The following GARS1 variants were observed in gnomAD, a reference collection of about 807,000 sequenced individuals.
GARS1 encodes glycyl-tRNA synthetase 1.
GARS1 carries 46 observed loss-of-function variants against 86.4 expected under a neutral mutation model. The ratio of observed to expected loss-of-function variants is 0.53; its 90% CI spans 0.42 to 0.68. The LOEUF is 0.68. Among genes scored for constraint, GARS1 ranks in the 30% least tolerant of loss-of-function variants. The pLI is 0.00. For synonymous variants in GARS1, 342 were observed against 329.8 expected (o/e 1.04, Z -0.40); for missense variants, 797 against 915.6 (o/e 0.87, Z 1.67).
At chr7:30,605,264 A>G (rs1791457852) in intron 6 of GARS1, among the ~76,000 whole-genome samples, 1 of 151,976 alleles carries the variant, frequency 6.6e-6, no homozygotes, top group African/African-American at 2.4e-5. Flanking sequence ...GAAGACCTCT[A>G]CTCCTATTAT....
chr7:30,611,733 T>C (rs531752691), intron 7 of GARS1, among the ~76,000 whole-genome samples: 69 of 152,270 alleles, frequency 4.5e-4, no homozygotes, highest in African/African-American at 1.5e-3. Flanking sequence ...ATCCGCCCAC[T>C]TCAGCCTCCC....
intron 4 of GARS1, 140 bp downstream of exon 4, chr7:30,601,340 C>T (rs1219982763): frequency 2.3e-5 from 17 of 747,388 alleles, no homozygotes; most frequent in Non-Finnish European, 3.6e-5. Flanking sequence ...TATGGAAAAG[C>T]AAAGAAATGT....
chr7:30,608,230 T>C (rs1031326152), intron 6 of GARS1, among the ~76,000 whole-genome samples: 3 of 152,250 alleles, frequency 2.0e-5, no homozygotes, highest in Admixed American at 6.5e-5. Flanking sequence ...AATACAAATA[T>C]AGTAATGTTA....
At chr7:30,609,347 T>G (rs911217682) in intron 6 of GARS1, among the ~76,000 whole-genome samples, 9 of 152,206 alleles carry the variant, frequency 5.9e-5, no homozygotes, top group African/African-American at 2.2e-4. Context: ...TCTTTCACTT[T>G]GAAACAGTGA....
intron 4 of GARS1, 149 bp downstream of exon 4, chr7:30,601,349 G>A: frequency 1.4e-6 from 1 of 697,522 alleles, no homozygotes; most frequent in Non-Finnish European, 2.3e-6. Flanking sequence ...GCAAAGAAAT[G>A]TATACCTTCT....
Position 30,622,422 on chromosome 7 carries a change from T to A in GARS1, c.1573T>A (p.Cys525Ser). The A allele has an allele frequency of 6.2e-7, 1 of 1,614,074 alleles. No individual in the cohort carries two copies. The highest frequency in any genetic ancestry group is 8.5e-7 in the Non-Finnish European group (1 of 1,179,992). The change falls in exon 12 of 17, where the codon TGC becomes AGC. Residue 525 changes from cysteine to serine, a missense_variant. By Grantham distance (112) the Cys-to-Ser change is moderately radical. Coordinates refer to ENST00000389266, the MANE Select transcript of GARS1 (RefSeq NM_002047.4). ...VMEYLAICDE[C>S]YITEMEMLLN... ...GGAGTATCTTGCCATTTGTGATGAG[T>A]GCTACATTACAGAAATGGAGATGCT...
intron 6 of GARS1, among the ~76,000 whole-genome samples, chr7:30,609,120 G>A (rs1052970679): frequency 6.6e-6 from 1 of 152,134 alleles, no homozygotes; most frequent in Admixed American, 6.5e-5. Flanking sequence ...TAATGGGAAA[G>A]GAAAGTTCAA....
rs765808328 is a variant in GARS1, at chr7:30,603,172, A to G, written c.658+50A>G. ...TAGGATTGATCAAAATAAAAGGTTT[A>G]AACTTTCTCTCAGATGTCTTTCATT... is the stretch of plus-strand genomic sequence containing the variant. On this transcript the variant is annotated intron_variant, in intron 5 of 16. Transcript: ENST00000389266. 26 of 1,465,030 alleles carry G rather than the reference A, an allele frequency of 1.8e-5. No homozygotes were observed. In the South Asian group the frequency reaches 3.0e-4, roughly 17 times the overall value. 90.8% of individuals were successfully genotyped at this position (1,465,030 alleles called of 1,614,324 possible).
intron 6 of GARS1, among the ~76,000 whole-genome samples, chr7:30,604,952 A>C (rs932561376): frequency 6.6e-6 from 1 of 152,226 alleles, no homozygotes; most frequent in African/African-American, 2.4e-5. Flanking sequence ...TGACAAGTCA[A>C]TTTATTGTTT....
intron 14 of GARS1, among the ~76,000 whole-genome samples, chr7:30,629,113 G>A (rs927346304): frequency 7.2e-5 from 11 of 152,142 alleles, no homozygotes; most frequent in Non-Finnish European, 1.2e-4. Context: ...TACTTTTGGG[G>A]TAAAGATGTG....
At chr7:30,630,469 C>G (rs1408258195) in intron 14 of GARS1, among the ~76,000 whole-genome samples, 1 of 149,990 alleles carries the variant, frequency 6.7e-6, no homozygotes, top group Non-Finnish European at 1.5e-5. Flanking sequence ...CATTTCCAAC[C>G]TAAAGTGGTT....
Position 30,632,288 on chromosome 7 carries a change from G to A in GARS1, c.1945G>A (p.Asp649Asn), listed in dbSNP as rs775471710. 5.0e-6 allele frequency: 8 copies of A among 1,614,166 alleles called. No homozygotes were observed. Among genetic ancestry groups the A allele is most frequent in the African/African-American group, 2.7e-5 (2 of 75,052 alleles). Residue 649 changes from aspartate (D) to asparagine (N), a missense_variant, in exon 16 of 17, where the codon GAT becomes AAT. By Grantham distance (23) the Asp-to-Asn change is conservative. Coordinates refer to ENST00000389266, the MANE Select transcript of GARS1 (RefSeq NM_002047.4). The surrounding 1 kb of genome is among the most constrained non-coding windows in gnomAD (Gnocchi z 4.1). ...GCATGGAGTATCTCACAAAGTAGAC[G>A]ATTCCTCTGGGTCAATCGGAAGGCG... ...TRHGVSHKVD[D>N]SSGSIGRRYA... is the part of the protein sequence containing the mutation.
At chr7:30,623,189 A>G (rs1347376716) in intron 12 of GARS1, among the ~76,000 whole-genome samples, 2 of 151,838 alleles carry the variant, frequency 1.3e-5, no homozygotes, top group African/African-American at 4.8e-5. Context: ...AACTTACAAT[A>G]TCCAGCAAAC....
Position 30,628,639 on chromosome 7 carries a change from C to T in GARS1, c.1779C>T (p.Phe593=). 6.2e-7 allele frequency: 1 copy of T among 1,611,672 alleles called. No homozygotes were observed. Residue 593 remains phenylalanine, a synonymous_variant, in exon 14 of 17, where the codon TTC becomes TTT. Coordinates refer to ENST00000389266, the MANE Select transcript of GARS1 (RefSeq NM_002047.4). ...RIMYTVFEHT[F]HVREGDEQRT... ...TGTATACGGTATTTGAACATACATT[C>T]CATGTACGAGAAGGAGATGAACAGA...
At chr7:30,609,984 T>C (rs986441017) in intron 7 of GARS1, among the ~76,000 whole-genome samples, 5 of 152,226 alleles carry the variant, frequency 3.3e-5, no homozygotes, top group African/African-American at 1.2e-4. Flanking sequence ...CTTCTAGTTA[T>C]AGCTGCATAG....
chr7:30,620,277 G>A (rs1309553872), intron 10 of GARS1, among the ~76,000 whole-genome samples: 1 of 152,162 alleles, frequency 6.6e-6, no homozygotes, highest in Admixed American at 6.5e-5. Flanking sequence ...ATACAGAGTG[G>A]CTTATAAACA....
intron 8 of GARS1, among the ~76,000 whole-genome samples, chr7:30,612,676 G>A (rs1400977633): frequency 2.0e-5 from 3 of 152,148 alleles, no homozygotes; most frequent in Admixed American, 1.3e-4. Flanking sequence ...CATTGCTGAA[G>A]TTGGGGTGAG....
chr7:30,628,499 A>G (rs1783170704), intron 13 of GARS1, 61 bp from the exon 14 acceptor site: 1 of 1,246,600 alleles, frequency 8.0e-7, no homozygotes, highest in Non-Finnish European at 1.2e-6. Flanking sequence ...GTTTAGAGAG[A>G]ATCTGAAATG....
rs772854097 is a variant in GARS1 at position 30,632,405 on chromosome 7, G to C, written c.2062G>C (p.Asp688His). ...GACCCCCCACACTGCAACTCTGAGG[G>C]ACCGTGACTCAATGCGGCAGATAAG... The part of the protein sequence containing the change: ...NKTPHTATLR[D>H]RDSMRQIRAE... The change falls in exon 16 of 17, where the codon GAC (aspartate) becomes CAC (histidine). Residue 688 changes from aspartate (D) to histidine (H), a missense_variant. By Grantham distance (81) the Asp-to-His change is moderately conservative. Coordinates refer to ENST00000389266, the MANE Select transcript of GARS1 (RefSeq NM_002047.4). The surrounding 1 kb of genome is among the most constrained non-coding windows in gnomAD (Gnocchi z 4.1). 1.2e-6 allele frequency: 2 copies of C among 1,614,030 alleles called. No individual in the cohort carries two copies. Among genetic ancestry groups the C allele is most frequent in the Admixed American group, 3.3e-5 (2 of 59,996 alleles).
Sources: gnomAD v4.1 joint callset for allele counts (sites outside exome capture counted in the v4.1 genomes callset) on GRCh38, gnomAD v4.1.1 for gene constraint, Gnocchi (gnomAD v3.1) non-coding constraint, MANE v1.5 for transcripts, NCBI Gene and HGNC (gene_info 2026-07-23, HGNC 2026-07-21) for gene names.